Variants in BAZ2B observed in about 807,000 individuals in gnomAD.
BAZ2B encodes the protein bromodomain adjacent to zinc finger domain protein 2B.
In BAZ2B, 91 loss-of-function variants were observed where a neutral mutation model predicts 246.0. The observed-to-expected ratio is 0.37, with a 90% CI of 0.31 to 0.44. The LOEUF is 0.44. BAZ2B is among the 20% of genes least tolerant of loss of function. The pLI is 1.00. For missense variants in BAZ2B, 2,332 were observed against 2,533.7 expected (o/e 0.92, Z 1.71); for synonymous variants, 855 against 860.0 (o/e 0.99, Z 0.10).
intron 25 of BAZ2B, among the ~76,000 whole-genome samples, chr2:159,376,537 T>C (rs2061431472): frequency 6.6e-6 from 1 of 152,188 alleles, no homozygotes; most frequent in Non-Finnish European, 1.5e-5. Context: ...GAATTCTATT[T>C]GGAATTAAAA....
chr2:159,335,006 T>C (rs1239436555), intron 33 of BAZ2B, among the ~76,000 whole-genome samples: 1 of 152,132 alleles, frequency 6.6e-6, no homozygotes, highest in East Asian at 1.9e-4. Context: ...CTCGAACTCT[T>C]GGGCTCAAAT....
chr2:159,525,335 C>T (rs947464260), intron 2 of BAZ2B, among the ~76,000 whole-genome samples: 5 of 152,086 alleles, frequency 3.3e-5, no homozygotes, highest in Non-Finnish European at 7.4e-5. Context: ...TGAGTTGTTC[C>T]TTTTATAGCA....
At chr2:159,409,885 A>C (rs137935764) in intron 14 of BAZ2B, among the ~76,000 whole-genome samples, 1 of 152,244 alleles carries the variant, frequency 6.6e-6, no homozygotes, top group African/African-American at 2.4e-5. Flanking sequence ...AATCCAATGT[A>C]TTATAACAAG....
chr2:159,360,612 A>G (rs1179359231), intron 27 of BAZ2B, among the ~76,000 whole-genome samples: 1 of 152,226 alleles, frequency 6.6e-6, no homozygotes, highest in East Asian at 1.9e-4. Flanking sequence ...TAAATTTCAT[A>G]TGGAACCAAA....
chr2:159,605,470 C>CAAGTATATTAG (rs1693260143), intron 1 of BAZ2B, among the ~76,000 whole-genome samples: 1 of 152,030 alleles, frequency 6.6e-6, no homozygotes, highest in Non-Finnish European at 1.5e-5. Context: ...TAGTTGGTAC[C>CAAGTATATTAG]TGCAGTATAT....
chr2:159,508,414 A>G (rs1389888163), intron 2 of BAZ2B, among the ~76,000 whole-genome samples: 1 of 152,172 alleles, frequency 6.6e-6, no homozygotes, highest in Non-Finnish European at 1.5e-5. Context: ...AGTTATTCAG[A>G]GTATTTAGTT....
the BAZ2B span, among the ~76,000 whole-genome samples, chr2:159,641,043 A>T: frequency 6.6e-6 from 1 of 152,174 alleles, no homozygotes; most frequent in Non-Finnish European, 1.5e-5. Context: ...AAAAGGAGAC[A>T]TTACAACTGA....
the BAZ2B span, among the ~76,000 whole-genome samples, chr2:159,700,160 G>GGCAGACTTAGAATTTAATA: frequency 3.3e-5 from 5 of 152,056 alleles, no homozygotes; most frequent in African/African-American, 1.2e-4. Flanking sequence ...CTTCACTAAT[G>GGCAGACTTAGAATTTAATA]GCAGACTTAG....
At chr2:159,457,201 G>A (rs928376178) in intron 3 of BAZ2B, among the ~76,000 whole-genome samples, 1 of 152,090 alleles carries the variant, frequency 6.6e-6, no homozygotes, top group Admixed American at 6.5e-5. Flanking sequence ...GGCCTACAAG[G>A]ATGAGTAAGA....
intron 33 of BAZ2B, among the ~76,000 whole-genome samples, chr2:159,333,865 T>C (rs2065182763): frequency 1.3e-5 from 2 of 152,146 alleles, no homozygotes; most frequent in South Asian, 4.1e-4. Context: ...ATGTATATAC[T>C]ATATATTTCA....
chr2:159,492,652 A>G (rs753195471), intron 2 of BAZ2B, among the ~76,000 whole-genome samples: 16 of 152,252 alleles, frequency 1.1e-4, no homozygotes, highest in Non-Finnish European at 8.8e-5. Flanking sequence ...TAAAACAAAA[A>G]TATGACAAGA....
At chr2:159,573,517 A>G (rs1684511594) in intron 1 of BAZ2B, among the ~76,000 whole-genome samples, 1 of 152,224 alleles carries the variant, frequency 6.6e-6, no homozygotes, top group African/African-American at 2.4e-5. Context: ...GGAACTAAGA[A>G]TGAATCAATG....
chr2:159,442,916 GCTTATCCAGTTATCTGTT>G (rs971845853), intron 6 of BAZ2B, among the ~76,000 whole-genome samples: 1 of 152,052 alleles, frequency 6.6e-6, no homozygotes. Context: ...CATGTATTTT[GCTTATCCAGTTATCTGTT>G]GATAGACACT....
At chr2:159,501,211 ATATTATATATATATTTATATAT>A (rs2081763826) in intron 2 of BAZ2B, among the ~76,000 whole-genome samples, 1 of 113,394 alleles carries the variant, frequency 8.8e-6, no homozygotes, top group Non-Finnish European at 1.7e-5. Context: ...ATTTTTATAT[ATATTATATATATATTTATATAT>A]ATATATATAA....
chr2:159,502,116 G>A (rs374218900), intron 2 of BAZ2B, among the ~76,000 whole-genome samples: 1 of 152,124 alleles, frequency 6.6e-6, no homozygotes, highest in Non-Finnish European at 1.5e-5. Context: ...ATCCAGAAAA[G>A]GATACTCTGT....
intron 27 of BAZ2B, among the ~76,000 whole-genome samples, chr2:159,361,965 G>T (rs1042460759): frequency 6.6e-6 from 1 of 151,576 alleles, no homozygotes; most frequent in African/African-American, 2.4e-5. Context: ...GGGGGGTGAG[G>T]GTCTGGGGGA....
At chr2:159,406,500 C>G (rs867885713) in intron 14 of BAZ2B, among the ~76,000 whole-genome samples, 5 of 152,188 alleles carry the variant, frequency 3.3e-5, no homozygotes, top group African/African-American at 1.2e-4. Context: ...CATGTAATAT[C>G]CTTGCTTTCT....
Position 159,383,588 on chromosome 2 carries a change from T to G in BAZ2B, c.3761+18A>C. On this transcript the variant is annotated intron_variant, in intron 24 of 36. Coordinates refer to ENST00000392783, the MANE Select transcript of BAZ2B (RefSeq NM_013450.4). ...GAAAAAGAAAACAGTACATTAACTT[T>G]AATAAAACAGGACTTACTTGCGGAG... 1 of 1,592,112 alleles carries G rather than the reference T, an allele frequency of 6.3e-7. No homozygotes were observed. Among genetic ancestry groups the G allele is most frequent in the African/African-American group, 1.3e-5 (1 of 74,444 alleles).
At chr2:159,473,493 G>C (rs1559546182) in intron 3 of BAZ2B, among the ~76,000 whole-genome samples, 1 of 151,824 alleles carries the variant, frequency 6.6e-6, no homozygotes, top group Non-Finnish European at 1.5e-5. Context: ...CTATTTTGTT[G>C]ATCTTTTCAA....
Sources: gnomAD v4.1 joint callset for allele counts (sites outside exome capture counted in the v4.1 genomes callset) on GRCh38, gnomAD v4.1.1 for gene constraint, MANE v1.5 for transcripts, NCBI Gene and HGNC (gene_info 2026-07-23, HGNC 2026-07-21) for gene names.